The following MKX variants were observed in gnomAD, a reference collection of about 807,000 sequenced individuals.
The protein encoded by MKX is mohawk homeobox.
In MKX, 13 loss-of-function variants were observed where a neutral mutation model predicts 36.0. The ratio of observed to expected loss-of-function variants is 0.36; its 90% CI spans 0.24 to 0.57. MKX has a LOEUF of 0.57. MKX is among the 20% of genes least tolerant of loss of function. MKX has a pLI of 0.79. For synonymous variants in MKX, 176 were observed against 178.3 expected (o/e 0.99, Z 0.10); for missense variants, 458 against 456.4 (o/e 1.00, Z -0.03).
rs745322719 is a variant in MKX at position 27,743,323 on chromosome 10, G to A, written c.93C>T (p.Ser31=). 6.9e-6 allele frequency: 11 copies of A among 1,584,970 alleles called. No homozygotes were observed. Among genetic ancestry groups the A allele is most frequent in the South Asian group, 2.3e-5 (2 of 86,522 alleles). The change falls in exon 2 of 7, where the codon AGC becomes AGT. Residue 31 remains serine (S), a synonymous_variant. Transcript: ENST00000419761. The part of the protein sequence containing the change: ...SERERGGRPY[S]GVLDSPHARP... ...GGGCGTGAGGACTGTCCAGGACACCGCTGTAGGGCCGGCCACCCCGCTCCC... is the reference window on the plus strand; with the variant it reads ...GGGCGTGAGGACTGTCCAGGACACCACTGTAGGGCCGGCCACCCCGCTCCC...
intron 5 of MKX, among the ~76,000 whole-genome samples, chr10:27,694,175 A>G (rs1836504835): frequency 6.6e-6 from 1 of 152,140 alleles, no homozygotes; most frequent in African/African-American, 2.4e-5. Flanking sequence ...ATGGACTAAT[A>G]CAATTATAGA....
intron 5 of MKX, among the ~76,000 whole-genome samples, chr10:27,731,088 C>T (rs1162129797): frequency 9.0e-5 from 13 of 144,064 alleles, no homozygotes; most frequent in African/African-American, 2.1e-4. Flanking sequence ...GAACCGAGAT[C>T]GTGCCACTGC....
At chr10:27,718,618 T>C (rs1032854309) in intron 5 of MKX, 20 of 441,022 alleles carry the variant, frequency 4.5e-5, no homozygotes, top group Middle Eastern at 3.3e-4. Flanking sequence ...AAAAGAAAAG[T>C]CAGGTCTAGT....
chr10:27,703,702 C>A (rs111614746), intron 5 of MKX, among the ~76,000 whole-genome samples: 3,552 of 152,152 alleles, frequency 0.023, 155 homozygotes, highest in African/African-American at 0.081. Flanking sequence ...AGTTCATGAC[C>A]AGCCTGGCCA....
At chr10:27,711,455 CTTTCTTTCTTTCTT>C (rs1564356843) in intron 5 of MKX, among the ~76,000 whole-genome samples, 11 of 14,366 alleles carry the variant, frequency 7.7e-4, no homozygotes, top group Admixed American at 4.3e-3. Context: ...TTCTTTCTTT[CTTTCTTTCTTTCTT>C]TCTTTCTTTC....
chr10:27,740,896 T>C (rs1461906434), intron 3 of MKX, among the ~76,000 whole-genome samples: 1 of 152,182 alleles, frequency 6.6e-6, no homozygotes. Context: ...GCTTTAATAC[T>C]GGGCCTTAAT....
chr10:27,675,314 T>C lies in MKX; in HGVS notation c.974A>G (p.Gln325Arg), dbSNP rs1391547430. The change falls in exon 7 of 7, where the codon CAG becomes CGG. Residue 325 changes from glutamine (Q) to arginine (R), a missense_variant. Coordinates refer to ENST00000419761, the MANE Select transcript of MKX (RefSeq NM_173576.3). ...CTGGATGATGCAGCTGGTAGTTCCC[T>C]GCAGTTTGTCCTTTCCCTGTGCAAG... Reference protein sequence around the residue: ...TNLAQGKDKLQGTTSCIIQKS... With the variant: ...TNLAQGKDKLRGTTSCIIQKS... 4.3e-6 allele frequency: 7 copies of C among 1,614,106 alleles called. No individual in the cohort carries two copies. Among genetic ancestry groups the C allele is most frequent in the East Asian group, 2.2e-5 (1 of 44,900 alleles).
rs546784030 is a variant in MKX at position 27,734,946 on chromosome 10, G to A, written c.503-155C>T. ...CAAGATCAATTTTTAGGCAATGAAA[G>A]CAAATATTTATGTCATCTCTCGCTT... is the stretch of plus-strand genomic sequence containing the variant. On this transcript the variant is annotated intron_variant, in intron 4 of 6. Transcript: ENST00000419761. Among the ~76,000 whole-genome samples the A allele has an allele frequency of 5.3e-5, 8 of 152,110 alleles. No individual in the cohort carries two copies. In the South Asian group the frequency reaches 8.3e-4, roughly 16 times the overall value.
chr10:27,713,206 A>C (rs750972853), intron 5 of MKX, among the ~76,000 whole-genome samples: 3 of 152,200 alleles, frequency 2.0e-5, no homozygotes, highest in Non-Finnish European at 2.9e-5. Flanking sequence ...AAATCTTCAG[A>C]AGTGTCTGAC....
At chr10:27,719,712 G>A (rs1834332327) in intron 5 of MKX, among the ~76,000 whole-genome samples, 1 of 152,184 alleles carries the variant, frequency 6.6e-6, no homozygotes, top group Non-Finnish European at 1.5e-5. Context: ...GGCCAGGCAT[G>A]TTGGCTCCCA....
At chr10:27,721,722 C>T (rs1022996010) in intron 5 of MKX, among the ~76,000 whole-genome samples, 2 of 152,102 alleles carry the variant, frequency 1.3e-5, no homozygotes, top group Non-Finnish European at 2.9e-5. Context: ...CAAACCACCA[C>T]GGCACACGTT....
At chr10:27,689,251 C>T (rs1287456630) in intron 5 of MKX, among the ~76,000 whole-genome samples, 1 of 152,116 alleles carries the variant, frequency 6.6e-6, no homozygotes, top group Non-Finnish European at 1.5e-5. Context: ...TTCACAAGAG[C>T]GGCAAACGGC....
intron 5 of MKX, among the ~76,000 whole-genome samples, chr10:27,711,473 TTC>T (rs1228927947): frequency 0.02 from 140 of 7,038 alleles, 4 homozygotes; most frequent in African/African-American, 0.051. Context: ...CTTTCTTTCT[TTC>T]TTTCTTTCTC....
chr10:27,698,082 G>A (rs1836586645), intron 5 of MKX, among the ~76,000 whole-genome samples: 1 of 152,194 alleles, frequency 6.6e-6, no homozygotes, highest in Non-Finnish European at 1.5e-5. Context: ...GCAGCCCAAG[G>A]AGAGGGATGA....
chr10:27,745,688 G>A lies in MKX; in HGVS notation c.-83+19C>T, dbSNP rs1018817657. 1 of 152,496 alleles carries A rather than the reference G, an allele frequency of 6.6e-6. No individual in the cohort carries two copies. The highest frequency in any genetic ancestry group is 1.5e-5 in the Non-Finnish European group (1 of 68,108). 9.4% of individuals were successfully genotyped at this position (152,496 alleles called of 1,614,324 possible). On this transcript the variant is annotated intron_variant, in intron 1 of 6. Transcript: ENST00000419761. ...GTTCCGCCGCAGCCGGCTGAGACTC[G>A]GCGACGCGGGGGCTGTACCTGTGGC... is the stretch of plus-strand genomic sequence containing the variant.
In MKX at chr10:27,742,529, G is replaced by A. The variant is rs1036229074; in HGVS notation, c.188+699C>T. ...TAGGACGGCCGCCCCTCCCCGGCGG[G>A]GCGCCCGGGGAGCCGCCGGATCGGG... On this transcript the variant is annotated intron_variant, in intron 2 of 6. Transcript: ENST00000419761. The surrounding 1 kb of genome is among the most constrained non-coding windows in gnomAD (Gnocchi z 4.2). Among the ~76,000 whole-genome samples, 4 of 152,054 alleles carry A rather than the reference G, an allele frequency of 2.6e-5. No homozygotes were observed. The highest frequency in any genetic ancestry group is 5.9e-5 in the Non-Finnish European group (4 of 67,952).
intron 5 of MKX, among the ~76,000 whole-genome samples, chr10:27,677,688 CAAACA>C (rs1836179515): frequency 1.3e-5 from 2 of 152,198 alleles, no homozygotes; most frequent in South Asian, 4.2e-4. Flanking sequence ...ACAAGGCGAA[CAAACA>C]AAACAAAAGG....
At chr10:27,681,266 G>A (rs901626831) in intron 5 of MKX, among the ~76,000 whole-genome samples, 1 of 152,058 alleles carries the variant, frequency 6.6e-6, no homozygotes, top group Non-Finnish European at 1.5e-5. Context: ...GGCCAAAATG[G>A]TGAAATCCTG....
intron 5 of MKX, among the ~76,000 whole-genome samples, chr10:27,691,154 T>A (rs1198724526): frequency 6.6e-6 from 1 of 152,152 alleles, no homozygotes; most frequent in Admixed American, 6.5e-5. Flanking sequence ...CATGTGAGAA[T>A]GGAAAAATAT....
Sources: gnomAD v4.1 joint callset for allele counts (sites outside exome capture counted in the v4.1 genomes callset) on GRCh38, gnomAD v4.1.1 for gene constraint, Gnocchi (gnomAD v3.1) non-coding constraint, MANE v1.5 for transcripts, NCBI Gene and HGNC (gene_info 2026-07-23, HGNC 2026-07-21) for gene names.